The following CSMD3 variants were observed in gnomAD, a reference collection of about 807,000 sequenced individuals.
The protein encoded by CSMD3 is CUB and sushi domain-containing protein 3.
In CSMD3, 177 loss-of-function variants were observed where a neutral mutation model predicts 435.2. That is an observed-to-expected ratio of 0.41 (90% confidence interval 0.36 to 0.46). The LOEUF is 0.46. Among genes scored for constraint, CSMD3 ranks in the 20% least tolerant of loss-of-function variants. CSMD3 has a pLI of 0.34. For missense variants in CSMD3, 4,265 were observed against 4,504.6 expected (o/e 0.95, Z 1.52); for synonymous variants, 1,656 against 1,520.5 (o/e 1.09, Z -2.07).
intron 11 of CSMD3, among the ~76,000 whole-genome samples, chr8:112,858,743 A>G (rs2080738478): frequency 6.6e-6 from 1 of 151,876 alleles, no homozygotes; most frequent in Non-Finnish European, 1.5e-5. Context: ...TAGCTATGTG[A>G]TATATAGCAA....
chr8:112,644,974 G>A, intron 20 of CSMD3, 135 bp downstream of exon 20: 1 of 696,646 alleles, frequency 1.4e-6, no homozygotes, highest in South Asian at 1.6e-5. Flanking sequence ...TATTTAAATT[G>A]AAATGTGTTT....
At chr8:112,863,676 C>G (rs1393467075) in intron 10 of CSMD3, among the ~76,000 whole-genome samples, 7 of 151,918 alleles carry the variant, frequency 4.6e-5, no homozygotes, top group African/African-American at 1.7e-4. Context: ...AGATTGGTGT[C>G]TGTATTCAAT....
chr8:112,469,379 T>G (rs1457057408), intron 32 of CSMD3, among the ~76,000 whole-genome samples: 1 of 152,186 alleles, frequency 6.6e-6, no homozygotes, highest in Non-Finnish European at 1.5e-5. Context: ...GTTGGTTATA[T>G]GTGATTTTCT....
intron 2 of CSMD3, chr8:113,309,350 TAC>T (rs2093849329): frequency 2.6e-5 from 4 of 152,208 alleles, no homozygotes; most frequent in Admixed American, 2.0e-4. Flanking sequence ...GTAAGCATAG[TAC>T]ATGACAGTTT....
intron 1 of CSMD3, among the ~76,000 whole-genome samples, chr8:113,331,820 C>A (rs1201086924): frequency 6.6e-6 from 1 of 151,694 alleles, no homozygotes; most frequent in African/African-American, 2.4e-5. Flanking sequence ...TGACGACCAC[C>A]ATCAAATTTA....
At chr8:113,127,807 T>C (rs1303265793) in intron 4 of CSMD3, among the ~76,000 whole-genome samples, 5 of 152,106 alleles carry the variant, frequency 3.3e-5, no homozygotes, top group Non-Finnish European at 5.9e-5. Flanking sequence ...AATTATTTCC[T>C]GTAAGTACCA....
rs1829711331 is a variant in CSMD3 at position 112,573,643 on chromosome 8, T to C, written c.3900A>G (p.Lys1300=). The C allele has an allele frequency of 1.4e-5, 23 of 1,609,688 alleles. No individual in the cohort carries two copies. Among genetic ancestry groups the C allele is most frequent in the Non-Finnish European group, 2.0e-5 (23 of 1,176,238 alleles). Reference sequence around the variant, plus strand: ...CACCTAGTAGATGAGTCGTTTTATCTTTTCCATCATAAATCTGCAAAATAT... The same window carrying C: ...CACCTAGTAGATGAGTCGTTTTATCCTTTCCATCATAAATCTGCAAAATAT... ...QGDVLKIYDG[K]DKTTHLLGAF... is the part of the protein sequence containing the mutation. Residue 1300 remains lysine (K), a synonymous_variant, in exon 24 of 71, where the codon AAA becomes AAG. Transcript: ENST00000297405.
chr8:113,179,713 T>C (rs1490876921), intron 3 of CSMD3, among the ~76,000 whole-genome samples: 1 of 151,726 alleles, frequency 6.6e-6, no homozygotes, highest in South Asian at 2.1e-4. Flanking sequence ...AAGTTTAAAA[T>C]GCAATTTAAA....
intron 8 of CSMD3, among the ~76,000 whole-genome samples, chr8:112,948,985 C>CT: frequency 6.6e-6 from 1 of 151,998 alleles, no homozygotes; most frequent in South Asian, 2.1e-4. Context: ...TCATAGTTCA[C>CT]TGTAGCTTTG....
intron 11 of CSMD3, among the ~76,000 whole-genome samples, chr8:112,850,956 A>T (rs927700451): frequency 2.0e-5 from 3 of 152,210 alleles, no homozygotes; most frequent in Non-Finnish European, 4.4e-5. Context: ...CTAGTAAAAG[A>T]TTATGAAATA....
intron 6 of CSMD3, among the ~76,000 whole-genome samples, chr8:113,006,603 G>A (rs2086066676): frequency 6.6e-6 from 1 of 151,940 alleles, no homozygotes; most frequent in Non-Finnish European, 1.5e-5. Context: ...GAAATCTAGA[G>A]AGTGAGAGAA....
intron 13 of CSMD3, among the ~76,000 whole-genome samples, chr8:112,727,968 T>A (rs1293937128): frequency 1.3e-5 from 2 of 151,972 alleles, no homozygotes; most frequent in Non-Finnish European, 2.9e-5. Context: ...TGTAAACTCT[T>A]GTGTTACATT....
At chr8:112,247,424 A>C (rs935563271) in intron 63 of CSMD3, among the ~76,000 whole-genome samples, 3 of 152,150 alleles carry the variant, frequency 2.0e-5, no homozygotes, top group African/African-American at 7.2e-5. Flanking sequence ...ACACCAAAAA[A>C]TCCAACAAGC....
chr8:113,214,704 A>C (rs1290628241), intron 3 of CSMD3, among the ~76,000 whole-genome samples: 1 of 151,886 alleles, frequency 6.6e-6, no homozygotes, highest in Non-Finnish European at 1.5e-5. Flanking sequence ...GAATGCCTAA[A>C]AATACTATGG....
At position 112,223,320 on chromosome 8, in the gene CSMD3, G is replaced by C. The variant is rs1812313368; in HGVS notation, c.*1451C>G. ...GCCAAGCAGCGCTCCCAGGTGCAAG[G>C]GTTTCTCTTAGGCACTCTGTCTCAT... On this transcript the variant is annotated 3_prime_UTR_variant, in exon 71 of 71. Coordinates refer to ENST00000297405, the MANE Select transcript of CSMD3 (RefSeq NM_198123.2). The C allele has an allele frequency of 2.9e-6, 1 of 349,476 alleles. No homozygotes were observed. The highest frequency in any genetic ancestry group is 5.2e-6 in the Non-Finnish European group (1 of 194,096). 21.6% of individuals were successfully genotyped at this position (349,476 alleles called of 1,614,324 possible). A position where few individuals can be genotyped will look rare whatever the true frequency, so the allele number is the denominator to read the frequency against.
chr8:112,345,669 G>C (rs1825595722), intron 41 of CSMD3, among the ~76,000 whole-genome samples: 1 of 152,076 alleles, frequency 6.6e-6, no homozygotes, highest in Admixed American at 6.5e-5. Context: ...GGTAACTATA[G>C]TTATTAACAA....
At chr8:113,162,501 G>A (rs1488936021) in intron 4 of CSMD3, among the ~76,000 whole-genome samples, 2 of 149,492 alleles carry the variant, frequency 1.3e-5, no homozygotes, top group African/African-American at 5.0e-5. Flanking sequence ...GGAGGCAGAG[G>A]TTGCAGTGAG....
rs1563720183 is a variant in CSMD3, at chr8:112,573,541, A to G, written c.4002T>C (p.Asp1334=). The G allele has an allele frequency of 6.2e-7, 1 of 1,613,580 alleles. No individual in the cohort carries two copies. Among genetic ancestry groups the G allele is most frequent in the Admixed American group, 1.7e-5 (1 of 59,974 alleles). Residue 1334 remains aspartate, a synonymous_variant, in exon 24 of 71, where the codon GAT becomes GAC. Transcript: ENST00000297405. The stretch of plus-strand genomic sequence containing the variant: ...GAAAGCCTTCATCTGTCCCTTCAGT[A>G]TCGGAATTAAATTCTAGCCAGAGTT... ...SNQLWLEFNS[D]TEGTDEGFQL...
intron 4 of CSMD3, among the ~76,000 whole-genome samples, chr8:113,130,230 C>A (rs902036554): frequency 5.9e-5 from 9 of 152,220 alleles, no homozygotes; most frequent in Middle Eastern, 6.8e-3. Context: ...TAAGGCTTCA[C>A]ATGATCAATA....
Sources: gnomAD v4.1 joint callset for allele counts (sites outside exome capture counted in the v4.1 genomes callset) on GRCh38, gnomAD v4.1.1 for gene constraint, MANE v1.5 for transcripts, NCBI Gene and HGNC (gene_info 2026-07-23, HGNC 2026-07-21) for gene names.